Variants in UNC79 observed in about 807,000 individuals in gnomAD.
UNC79 encodes the protein protein unc-79 homolog.
In UNC79, 37 loss-of-function variants were observed where a neutral mutation model predicts 283.1. That is an observed-to-expected ratio of 0.13 (90% CI 0.10 to 0.17). The LOEUF is 0.17. Ranked by LOEUF, UNC79 falls within the 10% of genes least tolerant of loss-of-function variation. The probability of loss-of-function intolerance (pLI) is 1.00; values close to 1 mark genes in which losing one functional copy is unlikely to be tolerated. For synonymous variants in UNC79, 1,107 were observed against 1,200.2 expected (o/e 0.92, Z 1.61); for missense variants, 2,272 against 3,211.1 (o/e 0.71, Z 7.07).
At chr14:93,373,329 T>C (rs751792075) in intron 1 of UNC79, among the ~76,000 whole-genome samples, 1 of 151,618 alleles carries the variant, frequency 6.6e-6, no homozygotes, top group Non-Finnish European at 1.5e-5. Flanking sequence ...AACAGGAAAT[T>C]AATAAAGTCA....
At chr14:93,654,432 G>A (rs1311203401) in intron 37 of UNC79, among the ~76,000 whole-genome samples, 1 of 151,996 alleles carries the variant, frequency 6.6e-6, no homozygotes. Flanking sequence ...GGAGTTGGGG[G>A]CTGCAGTGAG....
chr14:93,410,454 G>A (rs2055312383), intron 1 of UNC79, among the ~76,000 whole-genome samples: 4 of 152,160 alleles, frequency 2.6e-5, no homozygotes, highest in Admixed American at 2.6e-4. Flanking sequence ...TGGGGGACAT[G>A]CCACTTACTG....
intron 39 of UNC79, among the ~76,000 whole-genome samples, chr14:93,660,809 C>T (rs566246241): frequency 6.6e-6 from 1 of 151,832 alleles, no homozygotes; most frequent in East Asian, 1.9e-4. Flanking sequence ...AGGCTGGTCT[C>T]GAACTCCTGA....
intron 41 of UNC79, among the ~76,000 whole-genome samples, chr14:93,675,597 G>C (rs1363435216): frequency 6.6e-6 from 1 of 152,184 alleles, no homozygotes; most frequent in Non-Finnish European, 1.5e-5. Context: ...TAGAGAAGAT[G>C]AGGAACAACT....
intron 1 of UNC79, among the ~76,000 whole-genome samples, chr14:93,404,493 A>AAAAAAAATATATATAT: frequency 8.1e-5 from 5 of 61,500 alleles, no homozygotes; most frequent in African/African-American, 1.3e-4. Flanking sequence ...TTCTAAAAAA[A>AAAAAAAATATATATAT]ATATATATAT....
At chr14:93,630,840 G>C in exon 31 of UNC79, 1 of 1,613,966 alleles carries the variant, frequency 6.2e-7, no homozygotes, top group Non-Finnish European at 8.5e-7. Flanking sequence ...GAAATGCCAC[G>C]AGAATCTTCA....
chr14:93,433,083 A>G (rs747071098), intron 1 of UNC79, among the ~76,000 whole-genome samples: 2 of 152,234 alleles, frequency 1.3e-5, no homozygotes, highest in Non-Finnish European at 2.9e-5. Flanking sequence ...ATCTGGAGCT[A>G]GAACATGTGG....
chr14:93,676,365 AG>A (rs1229076084), intron 41 of UNC79, among the ~76,000 whole-genome samples: 2 of 122,210 alleles, frequency 1.6e-5, no homozygotes, highest in African/African-American at 6.2e-5. Flanking sequence ...TGGCCCAAAA[AG>A]ATCTTTTTGA....
chr14:93,429,306 G>A (rs1302212677), upstream of UNC79, among the ~76,000 whole-genome samples: 1 of 152,190 alleles, frequency 6.6e-6, no homozygotes, highest in Non-Finnish European at 1.5e-5. Context: ...TTTGGGATGT[G>A]GTTTTGGGAA....
At chr14:93,452,247 A>G (rs546916866) in intron 1 of UNC79, among the ~76,000 whole-genome samples, 2 of 151,970 alleles carry the variant, frequency 1.3e-5, no homozygotes, top group Admixed American at 6.5e-5. Context: ...ACACTTTCTT[A>G]TATGCTGCAT....
rs146812407 is a variant in UNC79 at position 93,606,612 on chromosome 14, G to A, written c.3754+3194G>A. Among the ~76,000 whole-genome samples, 48 of 152,194 alleles carry A rather than the reference G, an allele frequency of 3.2e-4. No individual in the cohort carries two copies. In the East Asian group the frequency reaches 7.1e-3, roughly 23 times the overall value. Reference sequence around the variant, plus strand: ...GTCCAAGTAATGAGCTCCTCTTTGCGGACCTCTTATTGATTAGACTTGAAA... The same window carrying A: ...GTCCAAGTAATGAGCTCCTCTTTGCAGACCTCTTATTGATTAGACTTGAAA... On this transcript the variant is annotated intron_variant, in intron 26 of 48. Coordinates refer to ENST00000555664, the Ensembl canonical transcript of UNC79.
chr14:93,583,409 C>T (rs2063963702), intron 20 of UNC79, among the ~76,000 whole-genome samples: 1 of 152,132 alleles, frequency 6.6e-6, no homozygotes, highest in Non-Finnish European at 1.5e-5. Context: ...ATCATTTCTT[C>T]AGTGAGCAGC....
At chr14:93,372,532 C>T (rs2054473987) in intron 1 of UNC79, among the ~76,000 whole-genome samples, 1 of 152,184 alleles carries the variant, frequency 6.6e-6, no homozygotes, top group Non-Finnish European at 1.5e-5. Context: ...ATGTTAATTT[C>T]AAACAGAGAA....
In UNC79 at chr14:93,477,543, A is replaced by G. The variant is rs1405560909; in HGVS notation, c.449-15A>G. On this transcript the variant is annotated splice_polypyrimidine_tract_variant and intron_variant, in intron 3 of 48. Transcript: ENST00000555664. ...CAAAATATTCAGTGACTGATTACTC[A>G]ATTTTGTTTTGTAGATCTTGGACAG... The G allele has an allele frequency of 3.2e-6, 5 of 1,563,312 alleles. No individual in the cohort carries two copies. The Admixed American group carries it at 7.6e-5, about 24-fold the overall frequency.
At chr14:93,592,172 CTTTTTTTTTTTT>C (rs557283063) in intron 22 of UNC79, among the ~76,000 whole-genome samples, 1 of 124,790 alleles carries the variant, frequency 8.0e-6, no homozygotes, top group Non-Finnish European at 1.7e-5. Context: ...ATAACTTTTC[CTTTTTTTTTTTT>C]TTTTTTTTGA....
chr14:93,691,832 C>T (rs746000354), exon 46 of UNC79: 11 of 1,614,066 alleles, frequency 6.8e-6, no homozygotes, highest in African/African-American at 1.3e-5. Context: ...AAAGTGCCGT[C>T]GCTACAAATC....
At chr14:93,697,854 C>G (rs2075264634) in intron 47 of UNC79, among the ~76,000 whole-genome samples, 1 of 152,304 alleles carries the variant, frequency 6.6e-6, no homozygotes, top group East Asian at 1.9e-4. Context: ...TGAGACTTTT[C>G]TTTTCTAATA....
intron 1 of UNC79, among the ~76,000 whole-genome samples, chr14:93,413,487 A>G (rs1193017729): frequency 3.5e-4 from 51 of 147,098 alleles, no homozygotes; most frequent in Non-Finnish European, 5.5e-4. Flanking sequence ...CAATAAACAT[A>G]CGTGTGCATG....
At chr14:93,446,839 C>T (rs1293070880) in intron 1 of UNC79, among the ~76,000 whole-genome samples, 1 of 152,184 alleles carries the variant, frequency 6.6e-6, no homozygotes, top group Non-Finnish European at 1.5e-5. Context: ...TTTATGGCCT[C>T]AAATATAGTC....
Sources: allele counts gnomAD v4.1 joint callset (sites outside exome capture counted in the v4.1 genomes callset), GRCh38; gene constraint gnomAD v4.1.1; transcripts MANE v1.5; gene names NCBI Gene and HGNC (gene_info 2026-07-23, HGNC 2026-07-21).